Variants in KANSL2 observed in about 807,000 individuals in gnomAD.
The protein encoded by KANSL2 is KAT8 regulatory NSL complex subunit 2.
KANSL2 carries 34 observed loss-of-function variants against 55.6 expected under a neutral mutation model. The ratio of observed to expected loss-of-function variants is 0.61; its 90% CI spans 0.46 to 0.81. The LOEUF (loss-of-function observed/expected upper bound fraction) is 0.81, where lower values mean the gene tolerates loss of function less well. KANSL2 is among the 40% of genes least tolerant of loss of function. The pLI is 0.00. For missense variants in KANSL2, 502 were observed against 609.9 expected (o/e 0.82, Z 1.86); for synonymous variants, 209 against 214.3 (o/e 0.98, Z 0.22).
chr12:48,671,882 T>G lies in KANSL2; in HGVS notation c.626A>C (p.Asp209Ala). The G allele has an allele frequency of 1.2e-6, 2 of 1,613,296 alleles. No homozygotes were observed. The highest frequency in any genetic ancestry group is 1.7e-6 in the Non-Finnish European group (2 of 1,179,412). Residue 209 changes from aspartate to alanine, a missense_variant, in exon 5 of 10, where the codon GAT becomes GCT. Physicochemically the swap from Asp to Ala is moderately radical, Grantham distance 126. Coordinates refer to ENST00000420613, the MANE Select transcript of KANSL2 (RefSeq NM_017822.4). The part of the protein sequence containing the change: ...KLIRLQSLYI[D>A]QFKRLQHLLK... ...CAGATGCTGAAGTCGTTTAAACTGATCAATATACAACGACTGCAAACGAAT... is the reference window on the plus strand; with the variant it reads ...CAGATGCTGAAGTCGTTTAAACTGAGCAATATACAACGACTGCAAACGAAT...
intron 7 of KANSL2, among the ~76,000 whole-genome samples, chr12:48,661,589 A>T (rs1939488354): frequency 6.6e-6 from 1 of 152,230 alleles, no homozygotes; most frequent in South Asian, 2.1e-4. Flanking sequence ...TGAATTATGG[A>T]GTTATAATTT....
chr12:48,680,440 C>G (rs1730763572), intron 2 of KANSL2, among the ~76,000 whole-genome samples: 1 of 152,084 alleles, frequency 6.6e-6, no homozygotes. Context: ...GATCCTCCTC[C>G]CGTGGCCTCC....
At position 48,654,150 on chromosome 12, in the gene KANSL2, C is replaced by G; in HGVS notation, c.1373G>C (p.Gly458Ala). The change falls in exon 10 of 10, where the codon GGG (glycine) becomes GCG (alanine). Residue 458 changes from glycine to alanine, a missense_variant. Transcript: ENST00000420613. ...ATTTCGAGATCCCTGGGATCTGCAC[C>G]CATCTCCAGCCATCTGCATCTGGCC... Reference protein sequence around the residue: ...ILGQMQMAGDGCRSQGSRNSE... With the variant: ...ILGQMQMAGDACRSQGSRNSE... The G allele has an allele frequency of 6.2e-7, 1 of 1,608,224 alleles. No homozygotes were observed. Among genetic ancestry groups the G allele is most frequent in the Non-Finnish European group, 8.5e-7 (1 of 1,178,182 alleles).
At chr12:48,669,331 A>T in intron 5 of KANSL2, 59 bp from the exon 6 acceptor site, 1 of 1,341,580 alleles carries the variant, frequency 7.5e-7, no homozygotes, top group Non-Finnish European at 1.0e-6. Context: ...TTACGTCTCC[A>T]AGTCAACAAG....
At chr12:48,668,378 G>T (rs1479642189) in intron 6 of KANSL2, among the ~76,000 whole-genome samples, 1 of 152,240 alleles carries the variant, frequency 6.6e-6, no homozygotes, top group African/African-American at 2.4e-5. Context: ...TGCAGACACA[G>T]AGCTGGTCAG....
rs1939327375 is a variant in KANSL2, at chr12:48,653,844, T to C, written c.*200A>G. On this transcript the variant is annotated 3_prime_UTR_variant, in exon 10 of 10. Coordinates refer to ENST00000420613, the MANE Select transcript of KANSL2 (RefSeq NM_017822.4). ...CAGAAGCTTTGATAGGGATTATCTC[T>C]CTTTCTCTTCCTTGCCCTGAGTGGG... is the stretch of plus-strand genomic sequence containing the variant. 6.5e-6 allele frequency: 3 copies of C among 460,726 alleles called. No individual in the cohort carries two copies. The highest frequency in any genetic ancestry group is 1.1e-5 in the Non-Finnish European group (3 of 264,900). The allele number at this position is 460,726 out of a possible 1,614,324, so 28.5% of individuals were successfully genotyped here. A position where few individuals can be genotyped will look rare whatever the true frequency, so the allele number is the denominator to read the frequency against.
At chr12:48,658,218 G>A (rs1360754968) in intron 8 of KANSL2, among the ~76,000 whole-genome samples, 1 of 151,460 alleles carries the variant, frequency 6.6e-6, no homozygotes, top group Non-Finnish European at 1.5e-5. Flanking sequence ...GTGACAGAGC[G>A]AGACTCTGTC....
intron 5 of KANSL2, among the ~76,000 whole-genome samples, chr12:48,670,412 C>T (rs552446778): frequency 1.1e-4 from 17 of 152,104 alleles, no homozygotes; most frequent in African/African-American, 3.1e-4. Context: ...GATGACAGTT[C>T]GCTGCATGAG....
At chr12:48,675,602 CCT>C (rs535493505) in intron 4 of KANSL2, among the ~76,000 whole-genome samples, 116 of 152,156 alleles carry the variant, frequency 7.6e-4, no homozygotes, top group African/African-American at 2.7e-3. Flanking sequence ...TTCACTGCAC[CCT>C]GTCAGAAGAG....
rs1470379690 is a variant in KANSL2 at position 48,679,911 on chromosome 12, A to C, written c.252-78T>G. On this transcript the variant is annotated intron_variant, in intron 2 of 9. Transcript: ENST00000420613. ...TAATGTTCACAGTCCCTAATCTTTA[A>C]ATCATTTTTAGGGAATTAAAATGAC... 7 of 1,213,552 alleles carry C rather than the reference A, an allele frequency of 5.8e-6. No homozygotes were observed. In the East Asian group the frequency reaches 1.0e-4, roughly 18 times the overall value. 75.2% of individuals were successfully genotyped at this position (1,213,552 alleles called of 1,614,324 possible).
chr12:48,655,174 C>A (rs1490364696), intron 8 of KANSL2, 114 bp from the exon 9 acceptor site: 3 of 1,043,210 alleles, frequency 2.9e-6, no homozygotes, highest in East Asian at 2.7e-5. Context: ...CCCTAGCCTA[C>A]CTTTAATAAA....
intron 5 of KANSL2, among the ~76,000 whole-genome samples, chr12:48,671,095 C>T (rs572897816): frequency 6.6e-6 from 1 of 151,880 alleles, no homozygotes; most frequent in African/African-American, 2.4e-5. Flanking sequence ...CAAAACCCCC[C>T]CTCTACTAAA....
In KANSL2 at chr12:48,653,940, A is replaced by G. The variant is rs991471907; in HGVS notation, c.*104T>C. 1 of 1,245,434 alleles carries G rather than the reference A, an allele frequency of 8.0e-7. No individual in the cohort carries two copies. Among genetic ancestry groups the G allele is most frequent in the Non-Finnish European group, 1.1e-6 (1 of 918,062 alleles). The allele number at this position is 1,245,434 out of a possible 1,614,324, so 77.1% of individuals were successfully genotyped here. On this transcript the variant is annotated 3_prime_UTR_variant, in exon 10 of 10. Coordinates refer to ENST00000420613, the MANE Select transcript of KANSL2 (RefSeq NM_017822.4). ...CTATAATACTCAATCCAGAAGAAAA[A>G]CAAGGTAGTCTGGGTTGCCTGTGTT...
intron 7 of KANSL2, chr12:48,661,355 G>T: frequency 4.7e-6 from 1 of 212,200 alleles, no homozygotes; most frequent in Non-Finnish European, 8.1e-6. Flanking sequence ...AGAAGAAAAG[G>T]GCTATATTTC....
intron 7 of KANSL2, among the ~76,000 whole-genome samples, chr12:48,665,540 GGTGACAGA>G (rs1264551158): frequency 4.6e-5 from 7 of 152,092 alleles, no homozygotes; most frequent in African/African-American, 1.7e-4. Context: ...CTCCAGCCTG[GGTGACAGA>G]GTCAGATTCT....
chr12:48,659,359 G>GGAGGCCAAGGTAAGAGGATCACTT (rs981367753), intron 8 of KANSL2, among the ~76,000 whole-genome samples: 143 of 152,114 alleles, frequency 9.4e-4, no homozygotes, highest in African/African-American at 3.3e-3. Flanking sequence ...CAGCACTTTG[G>GGAGGCCAAGGTAAGAGGATCACTT]GAGGCCAAGG....
At chr12:48,679,311 G>C in intron 3 of KANSL2, 161 bp from the exon 4 acceptor site, 2 of 684,488 alleles carry the variant, frequency 2.9e-6, no homozygotes, top group Non-Finnish European at 2.6e-6. Flanking sequence ...AACGCTTTAA[G>C]AAAATACAAC....
chr12:48,671,367 A>T (rs1297051093), intron 5 of KANSL2, among the ~76,000 whole-genome samples: 2 of 152,164 alleles, frequency 1.3e-5, no homozygotes, highest in African/African-American at 2.4e-5. Flanking sequence ...AGTACAGCTT[A>T]AGTGTACAGT....
chr12:48,667,950 C>G (rs1939633823), intron 6 of KANSL2, among the ~76,000 whole-genome samples, 161 bp from the exon 7 acceptor site: 1 of 152,136 alleles, frequency 6.6e-6, no homozygotes, highest in African/African-American at 2.4e-5. Context: ...AACTTTAAAA[C>G]CTAGTGCATA....
Sources: gnomAD v4.1 joint callset for allele counts (sites outside exome capture counted in the v4.1 genomes callset) on GRCh38, gnomAD v4.1.1 for gene constraint, MANE v1.5 for transcripts, NCBI Gene and HGNC (gene_info 2026-07-23, HGNC 2026-07-21) for gene names.